The following NMT2 variants were observed in gnomAD, a reference collection of about 807,000 sequenced individuals.
NMT2 encodes glycylpeptide N-tetradecanoyltransferase 2.
A neutral mutation model predicts 65.4 loss-of-function variants in NMT2; 35 were observed. The ratio of observed to expected loss-of-function variants is 0.54; its 90% CI spans 0.41 to 0.71. The LOEUF is 0.71. NMT2 is among the 30% of genes least tolerant of loss of function. The probability of loss-of-function intolerance (pLI) is 0.00; values close to 1 mark genes in which losing one functional copy is unlikely to be tolerated. For synonymous variants in NMT2, 226 were observed against 231.8 expected (o/e 0.98, Z 0.23); for missense variants, 489 against 611.3 (o/e 0.80, Z 2.11).
intron 1 of NMT2, among the ~76,000 whole-genome samples, chr10:15,160,442 C>G (rs2131629755): frequency 1.3e-5 from 2 of 152,120 alleles, no homozygotes; most frequent in South Asian, 4.1e-4. Flanking sequence ...CAAGAAACCC[C>G]CATGAACATG....
At position 15,168,491 on chromosome 10, in the gene NMT2, C is replaced by T. The variant is rs758798419; in HGVS notation, c.110+12G>A. The T allele has an allele frequency of 1.9e-6, 3 of 1,573,232 alleles. No homozygotes were observed. Among genetic ancestry groups the T allele is most frequent in the African/African-American group, 1.4e-5 (1 of 71,294 alleles). On this transcript the variant is annotated intron_variant, in intron 1 of 11. Transcript: ENST00000378165. ...CCCTGTCGCGCCCGGTGCGCCAGCGCGCCGCCCCTACCCTTTGGCGTGCTC... is the reference window on the plus strand; with the variant it reads ...CCCTGTCGCGCCCGGTGCGCCAGCGTGCCGCCCCTACCCTTTGGCGTGCTC...
At position 15,107,541 on chromosome 10, in the gene NMT2, C is replaced by A. The variant is rs575637281; in HGVS notation, c.*1654G>T. ...GATCTTGGCTCACTGCAACTTCCGCCTCCTGGGTTCAAGTGATTCTCCTGC... is the reference window on the plus strand; with the variant it reads ...GATCTTGGCTCACTGCAACTTCCGCATCCTGGGTTCAAGTGATTCTCCTGC... On this transcript the variant is annotated 3_prime_UTR_variant, in exon 12 of 12. Transcript: ENST00000378165. 1.4e-6 allele frequency: 1 copy of A among 705,148 alleles called. No homozygotes were observed. Among genetic ancestry groups the A allele is most frequent in the South Asian group, 6.4e-5 (1 of 15,684 alleles). 43.7% of individuals were successfully genotyped at this position (705,148 alleles called of 1,614,324 possible).
intron 1 of NMT2, among the ~76,000 whole-genome samples, chr10:15,144,982 A>C (rs1846912654): frequency 6.6e-6 from 1 of 152,214 alleles, no homozygotes; most frequent in South Asian, 2.1e-4. Flanking sequence ...ATAACAGCCC[A>C]AAACTGGAAA....
chr10:15,122,142 A>G (rs560766109), intron 8 of NMT2, among the ~76,000 whole-genome samples: 55 of 152,206 alleles, frequency 3.6e-4, no homozygotes, highest in Non-Finnish European at 6.9e-4. Flanking sequence ...GCCTTTCTCA[A>G]TATCAGAATT....
intron 1 of NMT2, among the ~76,000 whole-genome samples, chr10:15,157,514 G>A (rs1344693532): frequency 6.6e-6 from 1 of 152,312 alleles, no homozygotes; most frequent in East Asian, 1.9e-4. Flanking sequence ...TGATGGTGAT[G>A]CTGGGGGCAG....
At chr10:15,149,148 C>T (rs61844188) in intron 1 of NMT2, among the ~76,000 whole-genome samples, 57,694 of 150,064 alleles carry the variant, frequency 0.38, 13,797 homozygotes, top group African/African-American at 0.69. Flanking sequence ...TACCATTGAT[C>T]GCCATCACCA....
At chr10:15,141,314 C>G (rs915641140) in intron 2 of NMT2, 108 bp downstream of exon 2, 2 of 1,377,378 alleles carry the variant, frequency 1.5e-6, no homozygotes, top group Admixed American at 4.2e-5. Flanking sequence ...ATTCAACACA[C>G]AGTCACAACA....
At chr10:15,123,529 C>T in intron 8 of NMT2, among the ~76,000 whole-genome samples, 1 of 40,028 alleles carries the variant, frequency 2.5e-5, no homozygotes, top group Non-Finnish European at 4.3e-5. Context: ...CTTCGTCTCA[C>T]AGAAAAAAAA....
intron 8 of NMT2, among the ~76,000 whole-genome samples, chr10:15,125,478 ATTC>A (rs1444142265): frequency 6.6e-6 from 1 of 152,218 alleles, no homozygotes; most frequent in Non-Finnish European, 1.5e-5. Context: ...AAAACTCCTT[ATTC>A]TTCACTCCAT....
At chr10:15,157,079 C>A (rs2131620448) in intron 1 of NMT2, among the ~76,000 whole-genome samples, 1 of 152,216 alleles carries the variant, frequency 6.6e-6, no homozygotes, top group African/African-American at 2.4e-5. Flanking sequence ...AAGGAAAAAA[C>A]TATGGGAATT....
At chr10:15,148,616 CTAT>C (rs1344240738) in intron 1 of NMT2, among the ~76,000 whole-genome samples, 1 of 152,270 alleles carries the variant, frequency 6.6e-6, no homozygotes, top group African/African-American at 2.4e-5. Context: ...TACAAGCCAG[CTAT>C]TATTATGATT....
chr10:15,133,212 G>A (rs1392707760), intron 4 of NMT2, 33 bp downstream of exon 4: 2 of 1,598,652 alleles, frequency 1.3e-6, no homozygotes, highest in Non-Finnish European at 1.7e-6. Context: ...TGTGAATGCA[G>A]GAGTTGAATT....
At chr10:15,109,279 G>C in intron 11 of NMT2, 64 bp from the exon 12 acceptor site, 1 of 1,574,346 alleles carries the variant, frequency 6.4e-7, no homozygotes, top group Non-Finnish European at 8.6e-7. Context: ...CAATAGATCT[G>C]TCTTTCTAAA....
At chr10:15,168,369 C>T in intron 1 of NMT2, 134 bp downstream of exon 1, 2 of 687,958 alleles carry the variant, frequency 2.9e-6, no homozygotes, top group Non-Finnish European at 2.4e-6. Flanking sequence ...CCATGGGCTC[C>T]GCGCCACGGA....
intron 1 of NMT2, among the ~76,000 whole-genome samples, chr10:15,145,410 C>T (rs1228228705): frequency 1.3e-5 from 2 of 152,180 alleles, no homozygotes; most frequent in Non-Finnish European, 2.9e-5. Context: ...GACAGAGTCT[C>T]ACTTTGTCGC....
At chr10:15,122,642 A>G (rs748096593) in intron 8 of NMT2, among the ~76,000 whole-genome samples, 2 of 152,072 alleles carry the variant, frequency 1.3e-5, no homozygotes, top group African/African-American at 4.8e-5. Context: ...GATGGTCTCG[A>G]TCTCCTGACC....
intron 6 of NMT2, among the ~76,000 whole-genome samples, chr10:15,131,734 A>T (rs1005462558): frequency 6.6e-6 from 1 of 152,248 alleles, no homozygotes; most frequent in Non-Finnish European, 1.5e-5. Context: ...TACACTGACA[A>T]GTAAAGAGAC....
intron 9 of NMT2, among the ~76,000 whole-genome samples, chr10:15,116,826 T>A (rs76420808): frequency 2.1e-3 from 317 of 152,284 alleles, no homozygotes; most frequent in Non-Finnish European, 3.2e-3. Context: ...TTAGAAGAAA[T>A]GGATGAACTC....
chr10:15,130,454 C>A (rs10906833), intron 6 of NMT2, 142 bp from the exon 7 acceptor site: 1 of 662,544 alleles, frequency 1.5e-6, no homozygotes, highest in Non-Finnish European at 2.3e-6. Flanking sequence ...CGCCTGTAAT[C>A]TCAGCACTTT....
Sources: allele counts gnomAD v4.1 joint callset (sites outside exome capture counted in the v4.1 genomes callset), GRCh38; gene constraint gnomAD v4.1.1; transcripts MANE v1.5; gene names NCBI Gene and HGNC (gene_info 2026-07-23, HGNC 2026-07-21).